The following PCDH15 variants were observed in gnomAD, a reference collection of about 807,000 sequenced individuals.
The protein encoded by PCDH15 is protocadherin-15.
A neutral mutation model predicts 178.5 loss-of-function variants in PCDH15; 129 were observed. The observed-to-expected ratio is 0.72, with a 90% CI of 0.63 to 0.84. The LOEUF is 0.84. Ranked by LOEUF, PCDH15 falls within the 40% of genes least tolerant of loss-of-function variation. The pLI is 0.00. For missense variants in PCDH15, 2,230 were observed against 2,099.9 expected (o/e 1.06, Z -1.21); for synonymous variants, 800 against 732.0 (o/e 1.09, Z -1.50).
intron 1 of PCDH15, among the ~76,000 whole-genome samples, chr10:55,269,298 A>T (rs1249195625): frequency 1.4e-5 from 2 of 144,366 alleles, no homozygotes; most frequent in African/African-American, 2.7e-5. Flanking sequence ...CAGGCAAGAG[A>T]AAGAAAAAAA....
chr10:53,879,585 A>T (rs1040440267), intron 26 of PCDH15, among the ~76,000 whole-genome samples: 4 of 152,204 alleles, frequency 2.6e-5, no homozygotes, highest in African/African-American at 9.6e-5. Flanking sequence ...TTCATAAATA[A>T]TTTAAGTATA....
chr10:55,217,855 A>T (rs1840751103), intron 1 of PCDH15, among the ~76,000 whole-genome samples: 1 of 151,954 alleles, frequency 6.6e-6, no homozygotes, highest in Admixed American at 6.6e-5. Context: ...AAGAAAAGAA[A>T]TTTCATGTTT....
At chr10:54,243,518 T>G (rs933824440) in intron 8 of PCDH15, among the ~76,000 whole-genome samples, 1 of 152,040 alleles carries the variant, frequency 6.6e-6, no homozygotes, top group Non-Finnish European at 1.5e-5. Flanking sequence ...AAAAAAAAAG[T>G]TAGTGAACAT....
chr10:55,517,216 C>T (rs998940346), intron 2 of PCDH15, among the ~76,000 whole-genome samples: 5 of 152,138 alleles, frequency 3.3e-5, no homozygotes, highest in Admixed American at 2.0e-4. Context: ...CTTCAACTAA[C>T]AGTTTACTTG....
At chr10:55,347,148 G>A (rs1265085949) in intron 2 of PCDH15, among the ~76,000 whole-genome samples, 2 of 152,090 alleles carry the variant, frequency 1.3e-5, no homozygotes, top group African/African-American at 2.4e-5. Flanking sequence ...CTAGGAGCTG[G>A]AGGTTGTAGT....
intron 2 of PCDH15, among the ~76,000 whole-genome samples, chr10:54,663,188 A>G (rs1453534542): frequency 6.6e-6 from 1 of 151,918 alleles, no homozygotes; most frequent in African/African-American, 2.4e-5. Flanking sequence ...AGACTAATTC[A>G]TCTATCTTCT....
In PCDH15 at chr10:54,581,107, A is replaced by G. The variant is rs571311450; in HGVS notation, c.92-53230T>C. 1.8e-4 allele frequency among the ~76,000 whole-genome samples: 28 copies of G among 152,218 alleles called. No individual in the cohort carries two copies. In the South Asian group the frequency reaches 5.6e-3, roughly 30 times the overall value. ...ACTGGAAATCTTAGAGCAATCAAAGAAGAGAAAGTAATAAAAGACATCCAG... is the reference window on the plus strand; with the variant it reads ...ACTGGAAATCTTAGAGCAATCAAAGGAGAGAAAGTAATAAAAGACATCCAG... On this transcript the variant is annotated intron_variant, in intron 2 of 37. Transcript: ENST00000644397.
rs748138878 is a variant in PCDH15, at chr10:53,806,856, A to T, written c.4946T>A (p.Val1649Glu). 1 of 1,613,906 alleles carries T rather than the reference A, an allele frequency of 6.2e-7. No homozygotes were observed. The highest frequency in any genetic ancestry group is 8.5e-7 in the Non-Finnish European group (1 of 1,179,824). Residue 1649 changes from valine to glutamate, a missense_variant, in exon 38 of 38, where the codon GTA becomes GAA. Coordinates refer to ENST00000644397, the MANE Select transcript of PCDH15 (RefSeq NM_001384140.1). The stretch of plus-strand genomic sequence containing the variant: ...CCCCTTTGATAATGTGTTCAGAGGT[A>T]CATTCTCCTCATGTGTCACTGCCAA... ...DKLAVTHEEN[V>E]PLNTLSKGPF...
intron 1 of PCDH15, among the ~76,000 whole-genome samples, chr10:55,305,682 C>T (rs562233714): frequency 1.3e-5 from 2 of 152,250 alleles, no homozygotes; most frequent in East Asian, 1.9e-4. Flanking sequence ...CAATTCTTTC[C>T]CTTGCTGTCC....
intron 3 of PCDH15, among the ~76,000 whole-genome samples, chr10:54,454,603 T>C (rs1380143006): frequency 1.3e-5 from 2 of 152,014 alleles, no homozygotes; most frequent in Non-Finnish European, 2.9e-5. Context: ...TGTACATACA[T>C]GGTTCAATGT....
intron 2 of PCDH15, among the ~76,000 whole-genome samples, chr10:54,618,363 C>T (rs2093248535): frequency 6.6e-6 from 1 of 152,104 alleles, no homozygotes; most frequent in Non-Finnish European, 1.5e-5. Context: ...TAGTAGTAGA[C>T]TACTAACCTT....
At chr10:54,141,419 T>A (rs1467534459) in intron 14 of PCDH15, among the ~76,000 whole-genome samples, 1 of 152,202 alleles carries the variant, frequency 6.6e-6, no homozygotes, top group Non-Finnish European at 1.5e-5. Context: ...ATTATATATT[T>A]TGTAATTTGG....
chr10:55,141,272 A>C (rs549771766), intron 2 of PCDH15, among the ~76,000 whole-genome samples: 1 of 152,044 alleles, frequency 6.6e-6, no homozygotes, highest in South Asian at 2.1e-4. Context: ...CTAATGCTCA[A>C]ATAAGCCTAA....
intron 2 of PCDH15, among the ~76,000 whole-genome samples, chr10:54,612,711 T>C (rs546399410): frequency 5.6e-4 from 85 of 151,882 alleles, no homozygotes; most frequent in Admixed American, 1.2e-3. Context: ...TATAATTTAG[T>C]ATTATGTCTT....
chr10:55,123,746 G>A (rs1837830200), intron 2 of PCDH15, among the ~76,000 whole-genome samples: 1 of 152,142 alleles, frequency 6.6e-6, no homozygotes, highest in African/African-American at 2.4e-5. Flanking sequence ...TATATGAAGT[G>A]TGTCTCAGAA....
chr10:53,885,570 C>T (rs980670143), intron 26 of PCDH15, among the ~76,000 whole-genome samples: 1 of 151,996 alleles, frequency 6.6e-6, no homozygotes, highest in Admixed American at 6.6e-5. Context: ...ACCATACTCC[C>T]AGAAAGAAAA....
intron 2 of PCDH15, among the ~76,000 whole-genome samples, chr10:54,932,650 T>C (rs1629148): frequency 0.13 from 20,455 of 152,012 alleles, 1,566 homozygotes; most frequent in East Asian, 0.23. Context: ...AATCCTCCTG[T>C]CTCAGCCTCC....
chr10:55,527,432 C>CT (rs1235487395), intron 2 of PCDH15, among the ~76,000 whole-genome samples: 2 of 151,834 alleles, frequency 1.3e-5, no homozygotes, highest in East Asian at 3.9e-4. Flanking sequence ...CAAAGTACTC[C>CT]TTTTTTAAAA....
intron 2 of PCDH15, among the ~76,000 whole-genome samples, chr10:55,388,321 C>T (rs1229264598): frequency 6.6e-6 from 1 of 152,010 alleles, no homozygotes; most frequent in South Asian, 2.1e-4. Context: ...CTCTTAGGAG[C>T]TGATCCTTCT....
Sources: allele counts gnomAD v4.1 joint callset (sites outside exome capture counted in the v4.1 genomes callset), GRCh38; gene constraint gnomAD v4.1.1; transcripts MANE v1.5; gene names NCBI Gene and HGNC (gene_info 2026-07-23, HGNC 2026-07-21).